ZFYVE1: variants seen among roughly 807,000 people sequenced by gnomAD.
ZFYVE1 encodes the protein zinc finger FYVE-type containing 1, also known as zinc finger FYVE domain-containing protein 1.
ZFYVE1 carries 30 observed loss-of-function variants against 74.4 expected under a neutral mutation model. The observed-to-expected ratio is 0.40, with a 90% CI of 0.30 to 0.55. The LOEUF is 0.55. Ranked by LOEUF, ZFYVE1 falls within the 20% of genes least tolerant of loss-of-function variation. ZFYVE1 has a pLI of 0.42. For missense variants in ZFYVE1, 703 were observed against 1,011.6 expected (o/e 0.69, Z 4.14); for synonymous variants, 335 against 385.1 (o/e 0.87, Z 1.52).
chr14:72,977,671 T>G (rs1289609295), intron 8 of ZFYVE1, among the ~76,000 whole-genome samples: 1 of 152,156 alleles, frequency 6.6e-6, no homozygotes, highest in East Asian at 1.9e-4. Context: ...CAAAAACGTT[T>G]TATTTGCCAA....
At chr14:73,023,032 A>G (rs1310481021) in intron 2 of ZFYVE1, among the ~76,000 whole-genome samples, 2 of 151,324 alleles carry the variant, frequency 1.3e-5, no homozygotes, top group African/African-American at 2.4e-5. Context: ...GTGATGGCAC[A>G]TGTCTGTAAT....
chr14:73,007,019 T>C (rs567960032), intron 2 of ZFYVE1, among the ~76,000 whole-genome samples: 1 of 151,948 alleles, frequency 6.6e-6, no homozygotes, highest in Non-Finnish European at 1.5e-5. Context: ...AGCCCCAATT[T>C]AGAATTCAGA....
At chr14:72,996,407 T>C (rs1268297681) in intron 3 of ZFYVE1, among the ~76,000 whole-genome samples, 3 of 152,200 alleles carry the variant, frequency 2.0e-5, no homozygotes, top group African/African-American at 7.2e-5. Flanking sequence ...TCTTTCCTTC[T>C]TTTTTTGAGA....
chr14:72,981,387 A>AG (rs77151471), intron 5 of ZFYVE1, among the ~76,000 whole-genome samples: 1 of 152,024 alleles, frequency 6.6e-6, no homozygotes, highest in East Asian at 1.9e-4. Context: ...TGTTTTGCAC[A>AG]GGGGGGGCAC....
chr14:72,981,716 A>G, intron 5 of ZFYVE1, 73 bp downstream of exon 5: 1 of 1,399,752 alleles, frequency 7.1e-7, no homozygotes, highest in Non-Finnish European at 1.0e-6. Context: ...TCCACACCAA[A>G]GTCTAGGAAG....
chr14:72,991,183 A>ACTTT (rs1893601803), intron 4 of ZFYVE1, among the ~76,000 whole-genome samples: 2 of 83,580 alleles, frequency 2.4e-5, no homozygotes, highest in African/African-American at 9.0e-5. Context: ...CCCTGATGGT[A>ACTTT]TTTTTTTTTT....
chr14:72,979,505 T>A (rs185918881), intron 5 of ZFYVE1, among the ~76,000 whole-genome samples: 2,019 of 151,294 alleles, frequency 0.013, 45 homozygotes, highest in African/African-American at 0.044. Context: ...TACAAAAAAA[T>A]TAGCCAGGCA....
intron 11 of ZFYVE1, among the ~76,000 whole-genome samples, chr14:72,971,730 A>G (rs1893039131): frequency 6.6e-6 from 1 of 152,160 alleles, no homozygotes; most frequent in Non-Finnish European, 1.5e-5. Flanking sequence ...GAGTCTCCCA[A>G]GTAGCTAGGA....
intron 3 of ZFYVE1, among the ~76,000 whole-genome samples, chr14:72,995,127 GT>G (rs1309714896): frequency 6.6e-6 from 1 of 152,094 alleles, no homozygotes; most frequent in African/African-American, 2.4e-5. Flanking sequence ...GTCTCACTCT[GT>G]TGCCCAGTCT....
At position 72,975,848 on chromosome 14, in the gene ZFYVE1, G is replaced by T; in HGVS notation, c.1636-127C>A. The T allele has an allele frequency of 9.5e-7, 1 of 1,047,196 alleles. No individual in the cohort carries two copies. Among genetic ancestry groups the T allele is most frequent in the Non-Finnish European group, 1.4e-6 (1 of 720,536 alleles). 64.9% of individuals were successfully genotyped at this position (1,047,196 alleles called of 1,614,324 possible). A position where few individuals can be genotyped will look rare whatever the true frequency, so the allele number is the denominator to read the frequency against. The stretch of plus-strand genomic sequence containing the variant: ...GAACCACTAACTCCCTGGCAGGGAA[G>T]AACGGAGACACACCAGGAATCCCTC... On this transcript the variant is annotated intron_variant, in intron 8 of 11. Coordinates refer to ENST00000556143, the MANE Select transcript of ZFYVE1 (RefSeq NM_021260.4). This position sits in a 1 kb window ranked among gnomAD's most constrained non-coding sequence, Gnocchi z 4.1.
chr14:72,972,960 C>A (rs1399867708), intron 11 of ZFYVE1, among the ~76,000 whole-genome samples: 1 of 151,956 alleles, frequency 6.6e-6, no homozygotes, highest in South Asian at 2.1e-4. Flanking sequence ...CTGCCTTGGC[C>A]TCCCAAAGTG....
Position 72,981,925 on chromosome 14 carries a change from G to A in ZFYVE1, c.1204-30C>T, listed in dbSNP as rs563936001. The A allele has an allele frequency of 1.1e-5, 17 of 1,602,894 alleles. 1 individual carries two copies. Among genetic ancestry groups the A allele is most frequent in the South Asian group, 9.9e-5 (9 of 90,816 alleles). Reference sequence around the variant, plus strand: ...CAAGGAGGGAAGGTGACATATGATGGCACTCAGTAGAGAGCTCCGCACTTT... The same window carrying A: ...CAAGGAGGGAAGGTGACATATGATGACACTCAGTAGAGAGCTCCGCACTTT... On this transcript the variant is annotated intron_variant, in intron 4 of 11. Transcript: ENST00000556143.
rs1045596921 is a variant in ZFYVE1 at position 73,026,997 on chromosome 14, CT to C, written c.-507del. 1.0e-5 allele frequency: 4 copies of C among 398,782 alleles called. No homozygotes were observed. The highest frequency in any genetic ancestry group is 8.2e-5 in the African/African-American group (4 of 48,644). 24.7% of individuals were successfully genotyped at this position (398,782 alleles called of 1,614,324 possible). A position where few individuals can be genotyped will look rare whatever the true frequency, so the allele number is the denominator to read the frequency against. ...GCGCCAGTGGGGGCAGAGGCTATTCCTCAGGACACCGGCAGATCCATCCTCA... is the reference window on the plus strand; with the variant it reads ...GCGCCAGTGGGGGCAGAGGCTATTCCCAGGACACCGGCAGATCCATCCTCA... On this transcript the variant is annotated 5_prime_UTR_variant, in exon 1 of 12. An upstream open reading frame in the 5' UTR loses its in-frame stop. Coordinates refer to ENST00000556143, the MANE Select transcript of ZFYVE1 (RefSeq NM_021260.4).
chr14:72,983,469 G>A (rs1238284326), intron 4 of ZFYVE1, among the ~76,000 whole-genome samples: 1 of 149,640 alleles, frequency 6.7e-6, no homozygotes, highest in African/African-American at 2.5e-5. Flanking sequence ...TTTTGTCCTT[G>A]CAATAGTTTG....
At chr14:72,990,397 G>T (rs1893579285) in intron 4 of ZFYVE1, among the ~76,000 whole-genome samples, 1 of 142,572 alleles carries the variant, frequency 7.0e-6, no homozygotes, top group South Asian at 2.3e-4. Context: ...AGCTGAACAG[G>T]TTCTTTTTTT....
At chr14:72,988,317 G>A (rs1388146416) in intron 4 of ZFYVE1, among the ~76,000 whole-genome samples, 1 of 151,708 alleles carries the variant, frequency 6.6e-6, no homozygotes, top group Non-Finnish European at 1.5e-5. Flanking sequence ...TGGGATTACA[G>A]GCACACACCA....
intron 3 of ZFYVE1, among the ~76,000 whole-genome samples, chr14:72,995,500 T>TG (rs11370402): frequency 1 from 151,954 of 152,254 alleles, 75,830 homozygotes; most frequent in Middle Eastern, 1. Flanking sequence ...CCCAAAGTGC[T>TG]GGACTATAGG....
chr14:72,981,099 T>G (rs932631000), intron 5 of ZFYVE1, among the ~76,000 whole-genome samples: 2 of 152,196 alleles, frequency 1.3e-5, no homozygotes, highest in African/African-American at 2.4e-5. Flanking sequence ...ATTCCGAATC[T>G]GCATTCTAAC....
intron 2 of ZFYVE1, among the ~76,000 whole-genome samples, chr14:73,022,577 G>C (rs1342265659): frequency 6.6e-6 from 1 of 152,136 alleles, no homozygotes; most frequent in East Asian, 1.9e-4. Flanking sequence ...TTGTTGATAG[G>C]ACTCAAAAAG....
Sources: allele counts gnomAD v4.1 joint callset (sites outside exome capture counted in the v4.1 genomes callset), GRCh38; gene constraint gnomAD v4.1.1; non-coding constraint Gnocchi (gnomAD v3.1); transcripts MANE v1.5; gene names NCBI Gene and HGNC (gene_info 2026-07-23, HGNC 2026-07-21).